Variants in ZNF540 observed in about 807,000 individuals in gnomAD.
The protein encoded by ZNF540 is zinc finger protein 540.
A neutral mutation model predicts 11.8 loss-of-function variants in ZNF540; 3 were observed. The observed-to-expected ratio is 0.25, with a 90% CI of 0.12 to 0.65. The LOEUF is 0.65. Ranked by LOEUF, ZNF540 falls within the 30% of genes least tolerant of loss-of-function variation. The pLI is 0.83. For synonymous variants in ZNF540, 247 were observed against 259.0 expected (o/e 0.95, Z 0.45); for missense variants, 709 against 793.1 (o/e 0.89, Z 1.27).
intron 1 of ZNF540, among the ~76,000 whole-genome samples, chr19:37,580,150 C>T (rs559070437): frequency 3.9e-5 from 6 of 152,270 alleles, no homozygotes; most frequent in African/African-American, 1.4e-4. Flanking sequence ...GACTAGCAAC[C>T]CTACATGGAG....
At position 37,565,186 on chromosome 19, in the gene ZNF540, G is replaced by T. The variant is rs143272285; in HGVS notation, c.-73+13521G>T. ...CCTTACATTTGTAGGGCTTCTCTCC[G>T]GTATGAATTCTTTGATGTTGAATAA... On this transcript the variant is annotated intron_variant, in intron 1 of 4. Coordinates refer to the ZNF540 transcript ENST00000592533. 3.7e-6 allele frequency: 6 copies of T among 1,611,450 alleles called. No individual in the cohort carries two copies. In the African/African-American group the frequency reaches 5.4e-5, roughly 14 times the overall value.
At chr19:37,590,451 C>T (rs958388091), upstream of ZNF540, among the ~76,000 whole-genome samples, 29 of 151,764 alleles carry the variant, frequency 1.9e-4, 1 homozygote, top group Admixed American at 6.6e-5. Flanking sequence ...GCTATAAGGA[C>T]AAAATTGTAA....
In ZNF540 at chr19:37,556,614, G is replaced by A. The variant is rs137946066; in HGVS notation, c.-73+4949G>A. ...CCCTGTCTGGTCAGGAATTGGATTCGGATGGGTTCCTTGAACAAGTGGCAG... is the reference window on the plus strand; with the variant it reads ...CCCTGTCTGGTCAGGAATTGGATTCAGATGGGTTCCTTGAACAAGTGGCAG... On this transcript the variant is annotated intron_variant, in intron 1 of 4. Transcript: ENST00000592533. Among the ~76,000 whole-genome samples, 5 of 152,324 alleles carry A rather than the reference G, an allele frequency of 3.3e-5. No homozygotes were observed. The East Asian group carries it at 5.8e-4, about 18-fold the overall frequency.
intron 1 of ZNF540, chr19:37,565,365 T>G (rs775358388): frequency 1.2e-6 from 2 of 1,613,752 alleles, no homozygotes; most frequent in Non-Finnish European, 1.7e-6. Flanking sequence ...GTATGAATTC[T>G]CTGATGTTCA....
intron 1 of ZNF540, among the ~76,000 whole-genome samples, chr19:37,596,990 A>G (rs568166270): frequency 6.6e-6 from 1 of 152,358 alleles, no homozygotes; most frequent in East Asian, 1.9e-4. Context: ...GCACAGTTGA[A>G]AAAGAACTGG....
At chr19:37,562,713 T>TA (rs1169985741) in intron 1 of ZNF540, 1 of 152,242 alleles carries the variant, frequency 6.6e-6, no homozygotes, top group Non-Finnish European at 1.5e-5. Context: ...AAGCTGTTTT[T>TA]ATCTGTCATT....
chr19:37,590,697 G>T (rs2043844260), upstream of ZNF540, among the ~76,000 whole-genome samples: 1 of 152,032 alleles, frequency 6.6e-6, no homozygotes, highest in African/African-American at 2.4e-5. Flanking sequence ...AATATGTAAG[G>T]ACATAGGACA....
intron 1 of ZNF540, among the ~76,000 whole-genome samples, chr19:37,580,036 G>GT (rs2043394983): frequency 6.6e-6 from 1 of 152,074 alleles, no homozygotes; most frequent in Non-Finnish European, 1.5e-5. Context: ...AAGCTTTATC[G>GT]TATGAGGCTA....
At chr19:37,589,264 C>T (rs745370632) in intron 1 of ZNF540, among the ~76,000 whole-genome samples, 1 of 148,330 alleles carries the variant, frequency 6.7e-6, no homozygotes, top group Non-Finnish European at 1.5e-5. Context: ...TCCTTCTTAA[C>T]TTCAGAGGGG....
intron 2 of ZNF540, among the ~76,000 whole-genome samples, chr19:37,599,100 C>T (rs7259281): frequency 0.026 from 3,998 of 152,152 alleles, 180 homozygotes; most frequent in African/African-American, 0.089. Flanking sequence ...ACTATGGCCT[C>T]GAACTTCTGA....
At chr19:37,607,018 G>T (rs1228042430) in intron 4 of ZNF540, among the ~76,000 whole-genome samples, 1 of 151,258 alleles carries the variant, frequency 6.6e-6, no homozygotes, top group East Asian at 1.9e-4. Context: ...TTCTTGATTT[G>T]TAAGAGTTCT....
chr19:37,598,819 T>C (rs878935709), intron 2 of ZNF540, among the ~76,000 whole-genome samples: 1 of 152,228 alleles, frequency 6.6e-6, no homozygotes, highest in Admixed American at 6.5e-5. Flanking sequence ...AAATGCAGTT[T>C]AATATTGATT....
At chr19:37,588,099 CAAAAAAAAAAAAAAA>C (rs58516591) in intron 1 of ZNF540, among the ~76,000 whole-genome samples, 6 of 45,742 alleles carry the variant, frequency 1.3e-4, no homozygotes, top group African/African-American at 1.7e-4. Context: ...GACTCCATCT[CAAAAAAAAAAAAAAA>C]AAAAAAAAAA....
chr19:37,593,302 ATGT>A (rs751371882), upstream of ZNF540, among the ~76,000 whole-genome samples: 12 of 152,342 alleles, frequency 7.9e-5, no homozygotes, highest in Non-Finnish European at 1.5e-4. Flanking sequence ...GGTGTTGAAC[ATGT>A]TGGGGTTCGT....
chr19:37,567,328 A>C (rs2042895954), intron 1 of ZNF540, among the ~76,000 whole-genome samples: 1 of 152,190 alleles, frequency 6.6e-6, no homozygotes, highest in African/African-American at 2.4e-5. Context: ...TTTCTAAAAT[A>C]TATATGTTCC....
intron 4 of ZNF540, among the ~76,000 whole-genome samples, chr19:37,604,295 A>ATTTTTTTTTT (rs1491343746): frequency 5.9e-5 from 2 of 33,910 alleles, no homozygotes; most frequent in Admixed American, 3.4e-4. Flanking sequence ...AAATAGCCTT[A>ATTTTTTTTTT]CTTTTTTTTT....
chr19:37,612,930 C>G lies in ZNF540; in HGVS notation c.1650C>G (p.Pro550=), dbSNP rs753482101. ...TGAAAATTCATTCTGGTTTAAAACC[C>G]TATGACTGTAAAGAATGTGGGAAGT... The part of the protein sequence containing the change: ...EHLKIHSGLK[P]YDCKECGKSF... The change falls in exon 5 of 5, where the codon CCC becomes CCG. Residue 550 remains proline, a synonymous_variant. Coordinates refer to ENST00000316433, the MANE Select transcript of ZNF540 (RefSeq NM_001172225.3). 3 of 1,614,106 alleles carry G rather than the reference C, an allele frequency of 1.9e-6. No homozygotes were observed. The South Asian group carries it at 3.3e-5, about 18-fold the overall frequency.
intron 1 of ZNF540, among the ~76,000 whole-genome samples, chr19:37,573,832 CAA>C (rs753161725): frequency 1.0e-4 from 12 of 117,674 alleles, no homozygotes; most frequent in East Asian, 2.4e-4. Flanking sequence ...GATCCTGTTT[CAA>C]AAAAAAAAAA....
At chr19:37,552,361 T>G (rs1426776480) in intron 1 of ZNF540, among the ~76,000 whole-genome samples, 1 of 152,230 alleles carries the variant, frequency 6.6e-6, no homozygotes, top group East Asian at 1.9e-4. Flanking sequence ...TGGACTAGTC[T>G]ATAAGTATCA....
Sources: gnomAD v4.1 joint callset for allele counts (sites outside exome capture counted in the v4.1 genomes callset) on GRCh38, gnomAD v4.1.1 for gene constraint, MANE v1.5 for transcripts, NCBI Gene and HGNC (gene_info 2026-07-23, HGNC 2026-07-21) for gene names.